The following LIPA variants were observed in gnomAD, a reference collection of about 807,000 sequenced individuals.
LIPA encodes the protein lipase A, lysosomal acid type.
In LIPA, 26 loss-of-function variants were observed where a neutral mutation model predicts 40.6. That is an observed-to-expected ratio of 0.64 (90% CI 0.47 to 0.89). The LOEUF (loss-of-function observed/expected upper bound fraction) is 0.89, where lower values mean the gene tolerates loss of function less well. LIPA is among the 40% of genes least tolerant of loss of function. LIPA has a pLI of 0.00. For missense variants in LIPA, 455 were observed against 479.6 expected, an observed-to-expected ratio of 0.95 and a Z score of 0.48; for synonymous variants, 188 against 168.4, an observed-to-expected ratio of 1.12 and a Z score of -0.90.
rs763717028 is a variant in LIPA, at chr10:89,384,102, A to T, written c.61+28689T>A. 3 of 1,614,064 alleles carry T rather than the reference A, an allele frequency of 1.9e-6. No individual in the cohort carries two copies. In the African/African-American group the frequency reaches 4.0e-5, roughly 22 times the overall value. On this transcript the variant is annotated intron_variant, in intron 2 of 8. Transcript: ENST00000371837. ...AATATGCAGCCAAGTTTTATCGAAG[A>T]AAAGGGTCTGTGGATAAAGCTCTTG...
At chr10:89,367,264 G>C (rs143299075) in intron 2 of LIPA, among the ~76,000 whole-genome samples, 2,532 of 152,200 alleles carry the variant, frequency 0.017, 83 homozygotes, top group African/African-American at 0.058. Context: ...CGTGGCACAT[G>C]AATACATATG....
At chr10:89,361,933 G>T (rs964882787) in intron 2 of LIPA, among the ~76,000 whole-genome samples, 2 of 103,316 alleles carry the variant, frequency 1.9e-5, no homozygotes, top group African/African-American at 7.6e-5. Flanking sequence ...CTCATTGTGT[G>T]TGTCACCCTG....
intron 1 of LIPA, among the ~76,000 whole-genome samples, chr10:89,261,945 T>G (rs1843212089): frequency 6.6e-6 from 1 of 152,240 alleles, no homozygotes; most frequent in South Asian, 2.1e-4. Flanking sequence ...ATTAAAAGTT[T>G]CTCTCCCTCT....
chr10:89,361,136 A>G (rs895652188), intron 2 of LIPA, among the ~76,000 whole-genome samples: 1 of 152,162 alleles, frequency 6.6e-6, no homozygotes, highest in Admixed American at 6.6e-5. Flanking sequence ...AGGTACTGGG[A>G]GCTAGGACTT....
rs1236818308 is a variant in LIPA, at chr10:89,359,841, AC to A, written c.61+52949del. ...CACACACACACACACACACACACAC[AC>A]AAACACACACACACACAATGATAAT... On this transcript the variant is annotated intron_variant, in intron 2 of 8. Coordinates refer to the LIPA transcript ENST00000371837. Among the ~76,000 whole-genome samples the A allele has an allele frequency of 7.6e-3, 1,134 of 149,126 alleles. 30 individuals carry two copies. In the East Asian group the frequency reaches 0.091, roughly 12 times the overall value.
At position 89,214,925 on chromosome 10, in the gene LIPA, C is replaced by T. The variant is rs145396957; in HGVS notation, c.1103G>A (p.Ser368Asn). 3.2e-5 allele frequency: 52 copies of T among 1,613,944 alleles called. No homozygotes were observed. In the Admixed American group the frequency reaches 3.3e-4, roughly 10 times the overall value. The change falls in exon 10 of 10, where the codon AGC becomes AAC. Residue 368 changes from serine to asparagine, a missense_variant. By Grantham distance (46) the Ser-to-Asn change is conservative. Transcript: ENST00000336233. ...TQITNLVFHESIPEWEHLDFI... is the reference protein window; with the variant it reads ...TQITNLVFHENIPEWEHLDFI... ...GTCAAGATGCTCCCATTCCGGAATG[C>T]TCTCATGGAACACCAAGTTGGTGAT...
rs775883548 is a variant in LIPA at position 89,328,892 on chromosome 10, T to C, written c.-2+13719A>G. Among the ~76,000 whole-genome samples the C allele has an allele frequency of 1.3e-5, 2 of 152,312 alleles. 1 individual carries two copies. Among genetic ancestry groups the C allele is most frequent in the Middle Eastern group, 6.8e-3 (2 of 294 alleles). ...TCCCAAAAGAATCTTTTTAGAATCA[T>C]AGGAATAGTCTATAGGGAGGTAGTG... On this transcript the variant is annotated intron_variant, in intron 1 of 5. Transcript: ENST00000282673.
intron 1 of LIPA, among the ~76,000 whole-genome samples, chr10:89,270,032 G>A (rs1589584321): frequency 6.6e-6 from 1 of 152,352 alleles, no homozygotes; most frequent in East Asian, 1.9e-4. Context: ...GCAAAGTGCA[G>A]ATGGACCTTG....
chr10:89,323,849 A>G (rs1843583682), intron 1 of LIPA, among the ~76,000 whole-genome samples: 1 of 152,172 alleles, frequency 6.6e-6, no homozygotes. Flanking sequence ...TGGCCATACT[A>G]CCCAAAGCAA....
At chr10:89,294,995 A>G (rs1843403726) in intron 1 of LIPA, among the ~76,000 whole-genome samples, 1 of 125,868 alleles carries the variant, frequency 7.9e-6, no homozygotes, top group South Asian at 2.9e-4. Flanking sequence ...AAAAGAAAAA[A>G]AGGAAGAAAG....
chr10:89,228,818 G>A (rs754265154), intron 3 of LIPA, among the ~76,000 whole-genome samples: 73 of 152,214 alleles, frequency 4.8e-4, no homozygotes, highest in South Asian at 3.3e-3. Context: ...CACTATACAC[G>A]TATCAGAATG....
chr10:89,223,967 C>T, intron 6 of LIPA, 137 bp from the exon 7 acceptor site: 1 of 823,558 alleles, frequency 1.2e-6, no homozygotes. Flanking sequence ...AACCAGTGGA[C>T]ATCAAATCAG....
upstream of LIPA, among the ~76,000 whole-genome samples, chr10:89,346,281 T>G (rs575454156): frequency 4.6e-5 from 7 of 152,298 alleles, no homozygotes; most frequent in East Asian, 1.2e-3. Flanking sequence ...TACATAAACA[T>G]AGAATAATCT....
At chr10:89,383,779 A>G (rs762004870) in intron 2 of LIPA, 25 of 1,614,104 alleles carry the variant, frequency 1.5e-5, no homozygotes, top group Non-Finnish European at 2.0e-5. Context: ...TGGTGGAAAG[A>G]ATTATGAACG....
At chr10:89,353,738 A>C (rs1481724720) in intron 2 of LIPA, among the ~76,000 whole-genome samples, 3 of 152,172 alleles carry the variant, frequency 2.0e-5, no homozygotes, top group African/African-American at 4.8e-5. Context: ...CAGAAGATCG[A>C]GACCATCCTG....
intron 1 of LIPA, chr10:89,340,222 GAGCAGGGAA>G (rs1843841472): frequency 3.8e-6 from 5 of 1,314,230 alleles, no homozygotes; most frequent in Non-Finnish European, 5.2e-6. Flanking sequence ...TGGGATTGCT[GAGCAGGGAA>G]GCTTTGCATG....
intron 1 of LIPA, chr10:89,338,083 A>C (rs1843774728): frequency 6.6e-6 from 1 of 152,644 alleles, no homozygotes; most frequent in African/African-American, 2.4e-5. Flanking sequence ...TATTAAATGC[A>C]TCTTTTTATT....
intron 1 of LIPA, among the ~76,000 whole-genome samples, chr10:89,311,369 T>C: frequency 6.6e-6 from 1 of 150,824 alleles, no homozygotes. Flanking sequence ...CCAAAAAAAA[T>C]ACAAAAAAAA....
chr10:89,319,913 A>G (rs1843562017), intron 1 of LIPA, among the ~76,000 whole-genome samples: 2 of 152,340 alleles, frequency 1.3e-5, no homozygotes, highest in South Asian at 2.1e-4. Flanking sequence ...CTGGTTCAAC[A>G]TATGCAAATT....
Sources: gnomAD v4.1 joint callset for allele counts (sites outside exome capture counted in the v4.1 genomes callset) on GRCh38, gnomAD v4.1.1 for gene constraint, MANE v1.5 for transcripts, NCBI Gene and HGNC (gene_info 2026-07-23, HGNC 2026-07-21) for gene names.